PLK4: variants seen among roughly 807,000 people sequenced by gnomAD.
The protein encoded by PLK4 is serine/threonine-protein kinase PLK4.
PLK4 carries 51 observed loss-of-function variants against 103.0 expected under a neutral mutation model. The ratio of observed to expected loss-of-function variants is 0.50; its 90% CI spans 0.40 to 0.63. The LOEUF (loss-of-function observed/expected upper bound fraction) is 0.63, where lower values mean the gene tolerates loss of function less well. Ranked by LOEUF, PLK4 falls within the 20% of genes least tolerant of loss-of-function variation. The pLI, the probability that PLK4 is intolerant of heterozygous loss-of-function variation, is 0.00. For synonymous variants in PLK4, 389 were observed against 376.8 expected (o/e 1.03, Z -0.38); for missense variants, 1,054 against 1,151.0 (o/e 0.92, Z 1.22).
intron 7 of PLK4, 120 bp downstream of exon 7, chr4:127,890,356 T>C (rs1023517831): frequency 4.8e-6 from 3 of 625,432 alleles, no homozygotes; most frequent in Non-Finnish European, 7.5e-6. Flanking sequence ...CATGATCAAC[T>C]TTATTAAAGA....
At chr4:127,881,369 A>G in intron 1 of PLK4, 1 of 1,434,334 alleles carries the variant, frequency 7.0e-7, no homozygotes, top group Non-Finnish European at 9.1e-7. Flanking sequence ...AAGGCGGGAC[A>G]GGTGAGTCCC....
At chr4:127,888,140 A>G (rs1735207739) in intron 6 of PLK4, among the ~76,000 whole-genome samples, 1 of 123,256 alleles carries the variant, frequency 8.1e-6, no homozygotes, top group African/African-American at 3.0e-5. Flanking sequence ...AGATCACGCC[A>G]CTGCACTCCA....
Position 127,898,603 on chromosome 4 carries a change from G to C in PLK4, c.*62G>C, listed in dbSNP as rs2148826419. On this transcript the variant is annotated 3_prime_UTR_variant, in exon 16 of 16. Coordinates refer to ENST00000270861, the MANE Select transcript of PLK4 (RefSeq NM_014264.5). ...ACTTTTTTGTTGACTTTCAAGTAAA[G>C]TGATTTTTTTTAATTTAACATAAAG... 1 of 811,644 alleles carries C rather than the reference G, an allele frequency of 1.2e-6. No homozygotes were observed. Among genetic ancestry groups the C allele is most frequent in the East Asian group, 2.5e-5 (1 of 40,012 alleles). The allele number at this position is 811,644 out of a possible 1,614,324, so 50.3% of individuals were successfully genotyped here. A position where few individuals can be genotyped will look rare whatever the true frequency, so the allele number is the denominator to read the frequency against.
Position 127,886,737 on chromosome 4 carries a change from A to T in PLK4, c.1358+9A>T, listed in dbSNP as rs1735150759. On this transcript the variant is annotated intron_variant, in intron 5 of 15. Coordinates refer to ENST00000270861, the MANE Select transcript of PLK4 (RefSeq NM_014264.5). ...GATAACAATCAAGCACTGTAAGAAT[A>T]ATTCTATCAGAGGCATTTTGTTTTT... The T allele has an allele frequency of 1.3e-6, 2 of 1,556,338 alleles. No homozygotes were observed. The highest frequency in any genetic ancestry group is 8.7e-7 in the Non-Finnish European group (1 of 1,149,796).
chr4:127,887,778 G>A (rs1735190033), intron 6 of PLK4, among the ~76,000 whole-genome samples: 1 of 151,222 alleles, frequency 6.6e-6, no homozygotes, highest in South Asian at 2.1e-4. Flanking sequence ...GAGAAGCTGA[G>A]GCAGGAGGAT....
chr4:127,887,591 TTTC>T, intron 6 of PLK4, 95 bp downstream of exon 6: 1 of 789,960 alleles, frequency 1.3e-6, no homozygotes, highest in South Asian at 1.6e-5. Context: ...AGAAAATCAT[TTTC>T]TTGCTTGGTG....
chr4:127,897,824 CT>C (rs200741150), intron 15 of PLK4, among the ~76,000 whole-genome samples: 257 of 28,674 alleles, frequency 9.0e-3, no homozygotes, highest in Non-Finnish European at 0.011. Flanking sequence ...AGAATTAGGG[CT>C]TTTTTTTTTT....
At chr4:127,884,216 A>G (rs562338650) in intron 4 of PLK4, among the ~76,000 whole-genome samples, 2 of 152,344 alleles carry the variant, frequency 1.3e-5, no homozygotes, top group Admixed American at 1.3e-4. Context: ...GCAGAACCAA[A>G]TAAGGTCTAT....
chr4:127,892,074 T>A, intron 9 of PLK4: 1 of 241,794 alleles, frequency 4.1e-6, no homozygotes. Flanking sequence ...TGAAGCATTC[T>A]GCATTTAAAA....
At position 127,883,513 on chromosome 4, in the gene PLK4, G is replaced by A; in HGVS notation, c.297G>A (p.Arg99=). The change falls in exon 4 of 16, where the codon AGG becomes AGA. Residue 99 remains arginine (R), a synonymous_variant. Transcript: ENST00000270861. ...LEMCHNGEMN[R]YLKNRVKPFS... Reference sequence around the variant, plus strand: ...TGTGCCATAATGGAGAAATGAACAGGTATCTAAAGAATAGAGTGAAACCCT... The same window carrying A: ...TGTGCCATAATGGAGAAATGAACAGATATCTAAAGAATAGAGTGAAACCCT... The A allele has an allele frequency of 1.3e-6, 2 of 1,547,298 alleles. No individual in the cohort carries two copies. Among genetic ancestry groups the A allele is most frequent in the Non-Finnish European group, 1.8e-6 (2 of 1,120,228 alleles).
At chr4:127,896,719 C>T in intron 14 of PLK4, 82 bp from the exon 15 acceptor site, 1 of 720,422 alleles carries the variant, frequency 1.4e-6, no homozygotes, top group Non-Finnish European at 2.4e-6. Context: ...AAACCCTCTA[C>T]TGTATAGTAA....
intron 10 of PLK4, 134 bp from the exon 11 acceptor site, chr4:127,893,151 T>C: frequency 2.0e-6 from 1 of 508,614 alleles, no homozygotes. Context: ...AGTCTCATTT[T>C]ATTAATAGTC....
rs1208027144 is a variant in PLK4, at chr4:127,898,834, AT to A, written c.*294del. On this transcript the variant is annotated 3_prime_UTR_variant, in exon 16 of 16. Transcript: ENST00000270861. ...CAATCTTTTAAAAGCAAAAATGTAA[AT>A]GATGTGTAGTTTATTTGTGCTTTTA... is the stretch of plus-strand genomic sequence containing the variant. The A allele has an allele frequency of 1.8e-5, 4 of 218,450 alleles. No homozygotes were observed. Among genetic ancestry groups the A allele is most frequent in the African/African-American group, 9.1e-5 (4 of 43,988 alleles). 13.5% of individuals were successfully genotyped at this position (218,450 alleles called of 1,614,324 possible).
Position 127,892,406 on chromosome 4 carries a change from C to G in PLK4, c.2080C>G (p.Gln694Glu). ...RKYQYASRFVQLVRSKSPKIT... is the reference protein window; with the variant it reads ...RKYQYASRFVELVRSKSPKIT... ...ATATCAATATGCTTCCAGGTTTGTACAGCTTGTAAGATCTAAATCTCCCAA... is the reference window on the plus strand; with the variant it reads ...ATATCAATATGCTTCCAGGTTTGTAGAGCTTGTAAGATCTAAATCTCCCAA... The change falls in exon 10 of 16, where the codon CAG becomes GAG. Residue 694 changes from glutamine to glutamate, a missense_variant. This residue lies in a region of PLK4 where 680 missense variants were observed against 660.3 expected (regional missense o/e 1.03). Transcript: ENST00000270861. 1 of 1,579,408 alleles carries G rather than the reference C, an allele frequency of 6.3e-7. No homozygotes were observed. The highest frequency in any genetic ancestry group is 1.4e-5 in the African/African-American group (1 of 72,220).
chr4:127,888,177 C>CAAAAAAAAAAAAAAAAAAAAAA lies in PLK4; in HGVS notation c.1459+695_1459+716dup, dbSNP rs58491426. Among the ~76,000 whole-genome samples the CAAAAAAAAAAAAAAAAAAAAAA allele has an allele frequency of 6.0e-5, 2 of 33,244 alleles. 1 individual carries two copies. The highest frequency in any genetic ancestry group is 1.1e-4 in the Non-Finnish European group (2 of 17,732). 21.8% of individuals were successfully genotyped at this position (33,244 alleles called of 152,430 possible). On this transcript the variant is annotated intron_variant, in intron 6 of 15. Transcript: ENST00000270861. ...TCTAGGTGATAGAGCTAGACTGTCT[C>CAAAAAAAAAAAAAAAAAAAAAA]AAAAAAAAAAAAAAAAAAAAAAAAA... is the stretch of plus-strand genomic sequence containing the variant.
chr4:127,881,386 C>G, intron 1 of PLK4: 1 of 1,426,416 alleles, frequency 7.0e-7, no homozygotes, highest in South Asian at 1.5e-5. Context: ...TCCCTCCCCG[C>G]CCGGCAGTGT....
intron 2 of PLK4, among the ~76,000 whole-genome samples, chr4:127,882,861 A>C (rs1321212581): frequency 1.3e-5 from 2 of 152,108 alleles, no homozygotes; most frequent in South Asian, 2.1e-4. Context: ...TTGAGGCTGC[A>C]GTGAACTGTG....
chr4:127,889,792 C>A, intron 6 of PLK4, 74 bp from the exon 7 acceptor site: 2 of 1,068,232 alleles, frequency 1.9e-6, no homozygotes, highest in Admixed American at 2.6e-5. Flanking sequence ...CTATTACAAT[C>A]AGAGTGACGT....
Position 127,886,170 on chromosome 4 carries a change from GA to G in PLK4, c.803del (p.Asn268IlefsTer9). 1 of 1,613,952 alleles carries G rather than the reference GA, an allele frequency of 6.2e-7. No homozygotes were observed. Reference protein sequence around the residue: ...SSVLDHPFMSRNSSTKSKDLG... With the variant: ...SSVLDHPFMSXNSSTKSKDLG... ...GTATTGGACCATCCTTTTATGTCCC[GA>G]AATTCTTCAACAAAAAGTAAAGATT... On this transcript the variant is annotated frameshift_variant, in exon 5 of 16. Coordinates refer to ENST00000270861, the MANE Select transcript of PLK4 (RefSeq NM_014264.5). LOFTEE classifies it high-confidence loss of function.
Sources: gnomAD v4.1 joint callset for allele counts (sites outside exome capture counted in the v4.1 genomes callset) on GRCh38, gnomAD v4.1.1 for gene constraint, gnomAD v4.1.1 regional missense constraint, MANE v1.5 for transcripts, NCBI Gene and HGNC (gene_info 2026-07-23, HGNC 2026-07-21) for gene names.